RAD54L2: variants seen among roughly 807,000 people sequenced by gnomAD.
The protein encoded by RAD54L2 is helicase ARIP4.
A neutral mutation model predicts 138.4 loss-of-function variants in RAD54L2; 27 were observed. That is an observed-to-expected ratio of 0.20 (90% CI 0.14 to 0.27). RAD54L2 has a LOEUF of 0.27. RAD54L2 is among the 10% of genes least tolerant of loss of function. The pLI is 1.00. For synonymous variants in RAD54L2, 644 were observed against 723.2 expected, an observed-to-expected ratio of 0.89 and a Z score of 1.76; for missense variants, 1,396 against 1,890.2, an observed-to-expected ratio of 0.74 and a Z score of 4.85.
intron 3 of RAD54L2, among the ~76,000 whole-genome samples, chr3:51,600,549 C>G (rs1700058448): frequency 6.6e-6 from 1 of 152,206 alleles, no homozygotes; most frequent in African/African-American, 2.4e-5. Context: ...GAGGTCAAGA[C>G]TGCAGTGAGC....
rs570525304 is a variant in RAD54L2, at chr3:51,645,435, C to T, written c.2657-156C>T. 4.6e-5 allele frequency among the ~76,000 whole-genome samples: 7 copies of T among 152,286 alleles called. No homozygotes were observed. In the South Asian group the frequency reaches 8.3e-4, roughly 18 times the overall value. ...TGAGTTTAATGATAACAGCCAAGCT[C>T]GTTATACAAGTTTTCCCCTTATATG... On this transcript the variant is annotated intron_variant, in intron 17 of 22. Coordinates refer to ENST00000684192, the MANE Select transcript of RAD54L2 (RefSeq NM_015106.4). This position sits in a 1 kb window ranked among gnomAD's most constrained non-coding sequence, Gnocchi z 6.1.
At chr3:51,539,855 C>T (rs1553670962) in intron 1 of RAD54L2, among the ~76,000 whole-genome samples, 1 of 152,028 alleles carries the variant, frequency 6.6e-6, no homozygotes, top group Non-Finnish European at 1.5e-5. Context: ...GAGGTGGATG[C>T]AACTGGAAGG....
In RAD54L2 at chr3:51,664,186, C is replaced by G. The variant is rs556149266; in HGVS notation, c.*766C>G. 2 of 152,334 alleles carry G rather than the reference C, an allele frequency of 1.3e-5. No individual in the cohort carries two copies. The highest frequency in any genetic ancestry group is 4.8e-5 in the African/African-American group (2 of 41,570). The allele number at this position is 152,334 out of a possible 1,614,324, so 9.4% of individuals were successfully genotyped here. A position where few individuals can be genotyped will look rare whatever the true frequency, so the allele number is the denominator to read the frequency against. On this transcript the variant is annotated 3_prime_UTR_variant, in exon 23 of 23. Coordinates refer to ENST00000684192, the MANE Select transcript of RAD54L2 (RefSeq NM_015106.4). ...GGGTGAAGAGAAGGCCCAGCTAACTCAAGTCCCTGGTATTCAGAGCCACAT... is the reference window on the plus strand; with the variant it reads ...GGGTGAAGAGAAGGCCCAGCTAACTGAAGTCCCTGGTATTCAGAGCCACAT...
chr3:51,627,528 A>C (rs770084646), intron 3 of RAD54L2, 25 bp from the exon 4 acceptor site: 8 of 1,546,918 alleles, frequency 5.2e-6, no homozygotes, highest in Non-Finnish European at 6.1e-6. Flanking sequence ...CCTATAAAGC[A>C]ATGTCTTTCC....
chr3:51,541,506 G>C (rs1226783154), intron 1 of RAD54L2, 83 bp from the exon 2 acceptor site: 1 of 152,138 alleles, frequency 6.6e-6, no homozygotes, highest in Non-Finnish European at 1.5e-5. Context: ...AGATTCCCCA[G>C]GAAGCCATCA....
intron 3 of RAD54L2, among the ~76,000 whole-genome samples, chr3:51,623,072 C>G (rs1275291570): frequency 6.6e-6 from 1 of 152,226 alleles, no homozygotes; most frequent in Non-Finnish European, 1.5e-5. Flanking sequence ...GGGCCTGGAA[C>G]CTAGCAGATG....
At chr3:51,592,907 A>G (rs977781577) in intron 3 of RAD54L2, among the ~76,000 whole-genome samples, 1 of 152,112 alleles carries the variant, frequency 6.6e-6, no homozygotes, top group Admixed American at 6.6e-5. Flanking sequence ...TGAGCACTCT[A>G]TGCAGTTTTC....
intron 2 of RAD54L2, among the ~76,000 whole-genome samples, chr3:51,570,139 ATTTTTTTTT>A (rs374562749): frequency 3.0e-5 from 3 of 100,986 alleles, no homozygotes; most frequent in African/African-American, 7.7e-5. Context: ...AGCCTTTTTA[ATTTTTTTTT>A]TTTTTTTTTT....
At chr3:51,611,793 T>A (rs1700339209) in intron 3 of RAD54L2, among the ~76,000 whole-genome samples, 1 of 152,010 alleles carries the variant, frequency 6.6e-6, no homozygotes, top group Non-Finnish European at 1.5e-5. Context: ...CCTGACCTCG[T>A]GATCCACCCG....
At position 51,666,209 on chromosome 3, in the gene RAD54L2, T is replaced by TAA. The variant is rs55732988; in HGVS notation, c.*2791_*2792dup. 8.1e-6 allele frequency: 1 copy of TAA among 122,710 alleles called. No individual in the cohort carries two copies. Among genetic ancestry groups the TAA allele is most frequent in the African/African-American group, 3.3e-5 (1 of 30,146 alleles). The allele number at this position is 122,710 out of a possible 1,614,324, so 7.6% of individuals were successfully genotyped here. A position where few individuals can be genotyped will look rare whatever the true frequency, so the allele number is the denominator to read the frequency against. On this transcript the variant is annotated 3_prime_UTR_variant, in exon 23 of 23. Coordinates refer to ENST00000684192, the MANE Select transcript of RAD54L2 (RefSeq NM_015106.4). ...TTTTTTTTTTTTTTTTTTTTTTTTT[T>TAA]AAAGAAAATAACCTGAAAACACTTC... is the stretch of plus-strand genomic sequence containing the variant.
At chr3:51,545,483 C>A (rs570808206) in intron 2 of RAD54L2, among the ~76,000 whole-genome samples, 18 of 150,224 alleles carry the variant, frequency 1.2e-4, no homozygotes, top group Non-Finnish European at 2.5e-4. Context: ...AGCCATGATG[C>A]CTGGCCACCC....
chr3:51,556,200 T>G (rs1162094290), intron 2 of RAD54L2, among the ~76,000 whole-genome samples: 1 of 152,172 alleles, frequency 6.6e-6, no homozygotes, highest in Non-Finnish European at 1.5e-5. Flanking sequence ...GCCTTCTTCT[T>G]TCTGTCCTCC....
At chr3:51,546,146 C>T (rs1553672221) in intron 2 of RAD54L2, among the ~76,000 whole-genome samples, 1 of 151,082 alleles carries the variant, frequency 6.6e-6, no homozygotes, top group African/African-American at 2.4e-5. Flanking sequence ...GCCATGTTGG[C>T]CAGGCTGCTC....
chr3:51,584,469 G>A (rs1407067069), intron 2 of RAD54L2, among the ~76,000 whole-genome samples: 1 of 152,010 alleles, frequency 6.6e-6, no homozygotes, highest in Non-Finnish European at 1.5e-5. Flanking sequence ...TGGGCTACAT[G>A]GAGGTTTGAA....
At chr3:51,552,853 C>T (rs942824566) in intron 2 of RAD54L2, among the ~76,000 whole-genome samples, 13 of 152,066 alleles carry the variant, frequency 8.5e-5, no homozygotes, top group South Asian at 2.1e-4. Flanking sequence ...AGCTACCATG[C>T]GTGGCTGGGA....
intron 3 of RAD54L2, among the ~76,000 whole-genome samples, chr3:51,605,743 C>T (rs1235199893): frequency 1.3e-5 from 2 of 152,146 alleles, no homozygotes; most frequent in African/African-American, 2.4e-5. Context: ...TGGGTCACTG[C>T]GCCCAGCCTG....
intron 2 of RAD54L2, among the ~76,000 whole-genome samples, chr3:51,571,139 G>A (rs1381702825): frequency 6.6e-6 from 1 of 152,088 alleles, no homozygotes; most frequent in African/African-American, 2.4e-5. Flanking sequence ...CGTAGGCTTT[G>A]AACTAAATAA....
chr3:51,634,358 A>ATTTT (rs61565460), intron 9 of RAD54L2, among the ~76,000 whole-genome samples: 18 of 94,964 alleles, frequency 1.9e-4, no homozygotes, highest in South Asian at 3.7e-4. Context: ...CCACTGTCTG[A>ATTTT]TTTTTTTTTT....
At position 51,665,402 on chromosome 3, in the gene RAD54L2, C is replaced by T. The variant is rs556310471; in HGVS notation, c.*1982C>T. 1 of 152,188 alleles carries T rather than the reference C, an allele frequency of 6.6e-6. No homozygotes were observed. Among genetic ancestry groups the T allele is most frequent in the African/African-American group, 2.4e-5 (1 of 41,508 alleles). The allele number at this position is 152,188 out of a possible 1,614,324, so 9.4% of individuals were successfully genotyped here. ...TTAGCAGACTCTGGGGTATTGTCCT[C>T]AGAGAAGAGACAAGGAGATGATGGA... On this transcript the variant is annotated 3_prime_UTR_variant, in exon 23 of 23. Coordinates refer to ENST00000684192, the MANE Select transcript of RAD54L2 (RefSeq NM_015106.4).
Sources: allele counts gnomAD v4.1 joint callset (sites outside exome capture counted in the v4.1 genomes callset), GRCh38; gene constraint gnomAD v4.1.1; non-coding constraint Gnocchi (gnomAD v3.1); transcripts MANE v1.5; gene names NCBI Gene and HGNC (gene_info 2026-07-23, HGNC 2026-07-21).